CLIC2: variants seen among roughly 807,000 people sequenced by gnomAD.
CLIC2 encodes chloride intracellular channel protein 2.
In CLIC2, 9 loss-of-function variants were observed where a neutral mutation model predicts 14.8. The observed-to-expected ratio is 0.61, with a 90% CI of 0.37 to 1.06. The LOEUF is 1.06. Among genes scored for constraint, CLIC2 ranks in the 50% least tolerant of loss-of-function variants. The probability of loss-of-function intolerance (pLI) is 0.01; values close to 1 mark genes in which losing one functional copy is unlikely to be tolerated. For synonymous variants in CLIC2, 61 were observed against 66.3 expected, an observed-to-expected ratio of 0.92 and a Z score of 0.39; for missense variants, 148 against 181.4, an observed-to-expected ratio of 0.82 and a Z score of 1.06.
At chrX:155,312,025 A>G (rs2075076205) in intron 1 of CLIC2, among the ~76,000 whole-genome samples, 1 of 111,605 alleles carries the variant, frequency 9.0e-6, no homozygotes, top group Non-Finnish European at 1.9e-5. Flanking sequence ...ACACAGCCAA[A>G]CCATATGATT....
chrX:155,300,189 A>G lies in CLIC2; in HGVS notation c.58-1044T>C, dbSNP rs1271970243. Among the ~76,000 whole-genome samples, 5 of 109,834 alleles carry G rather than the reference A, an allele frequency of 4.6e-5. No homozygotes were observed. The Admixed American group carries it at 4.8e-4, about 11-fold the overall frequency. The stretch of plus-strand genomic sequence containing the variant: ...AATGGTTGAACTAGTTTACAGTCCC[A>G]CCAACAGTGTAAAAGTGTTCCTATT... On this transcript the variant is annotated intron_variant, in intron 1 of 5. Coordinates refer to ENST00000369449, the MANE Select transcript of CLIC2 (RefSeq NM_001289.6).
At position 155,329,650 on chromosome X, in the gene CLIC2, T is replaced by C. The variant is rs782719637; in HGVS notation, c.57+4721A>G. On this transcript the variant is annotated intron_variant, in intron 1 of 5. Coordinates refer to ENST00000369449, the MANE Select transcript of CLIC2 (RefSeq NM_001289.6). The stretch of plus-strand genomic sequence containing the variant: ...TGGAGGTTCCTCAAAAAAATGAAAA[T>C]AGAGCTACCTTATGGTCCAGCAATC... 1.8e-3 allele frequency among the ~76,000 whole-genome samples: 191 copies of C among 108,459 alleles called. 1 individual carries two copies. Among genetic ancestry groups the C allele is most frequent in the African/African-American group, 6.2e-3 (186 of 29,951 alleles). The allele number at this position is 108,459 out of a possible 115,157, so 94.2% of individuals were successfully genotyped here.
intron 1 of CLIC2, among the ~76,000 whole-genome samples, chrX:155,301,503 C>A (rs1358759867): frequency 7.5e-5 from 8 of 107,097 alleles, no homozygotes; most frequent in Non-Finnish European, 1.2e-4. Flanking sequence ...TTTTCTAGAT[C>A]TACAATCATG....
intron 1 of CLIC2, among the ~76,000 whole-genome samples, chrX:155,325,767 T>G (rs2075134488): frequency 2.1e-4 from 6 of 28,104 alleles, no homozygotes; most frequent in African/African-American, 8.7e-4. Context: ...ATGTGATATA[T>G]ATATATATAT....
At chrX:155,311,334 C>A (rs1171669078) in intron 1 of CLIC2, among the ~76,000 whole-genome samples, 2 of 111,749 alleles carry the variant, frequency 1.8e-5, no homozygotes, top group Non-Finnish European at 3.8e-5. Flanking sequence ...TAAATCATCT[C>A]TCTCAAGTTC....
chrX:155,313,986 C>T (rs1463783054), intron 1 of CLIC2, among the ~76,000 whole-genome samples: 1 of 111,100 alleles, frequency 9.0e-6, no homozygotes, highest in Non-Finnish European at 1.9e-5. Flanking sequence ...AACATAACTC[C>T]ATTGGCCTGG....
chrX:155,300,591 A>G (rs1363658885), intron 1 of CLIC2, among the ~76,000 whole-genome samples: 1 of 110,494 alleles, frequency 9.1e-6, no homozygotes, highest in Non-Finnish European at 1.9e-5. Context: ...ATTAGATCCC[A>G]TTTGTCAATT....
intron 3 of CLIC2, among the ~76,000 whole-genome samples, chrX:155,293,822 CATT>C (rs2074983483): frequency 9.0e-6 from 1 of 111,475 alleles, no homozygotes; most frequent in Non-Finnish European, 1.9e-5. Context: ...CTAAAACTAT[CATT>C]ATATAATGAC....
rs7050330 is a variant in CLIC2, at chrX:155,334,361, G to A, written c.57+10C>T. On this transcript the variant is annotated intron_variant, in intron 1 of 5. Coordinates refer to ENST00000369449, the MANE Select transcript of CLIC2 (RefSeq NM_001289.6). ...ATTCTACATGCAGTTATTATAACTG[G>A]AAAACTTACCTTTACAAAAAGCTCA... 2.7e-3 allele frequency: 3,264 copies of A among 1,192,179 alleles called. 73 individuals are homozygous for A. In the African/African-American group the frequency reaches 0.051, roughly 18 times the overall value.
At chrX:155,292,310 C>G in intron 3 of CLIC2, 1 of 566,531 alleles carries the variant, frequency 1.8e-6, no homozygotes, top group Non-Finnish European at 3.2e-6. Context: ...TCAATGCACT[C>G]TAGGTTTAAC....
At chrX:155,304,605 T>C (rs1459148613) in intron 1 of CLIC2, among the ~76,000 whole-genome samples, 2 of 102,727 alleles carry the variant, frequency 1.9e-5, no homozygotes, top group African/African-American at 7.0e-5. Context: ...TCCATCCAGC[T>C]TTGTTCTGTT....
chrX:155,325,084 C>T (rs1235007330), intron 1 of CLIC2, among the ~76,000 whole-genome samples: 1 of 111,769 alleles, frequency 8.9e-6, no homozygotes, highest in Non-Finnish European at 1.9e-5. Context: ...GTTAAAATGG[C>T]AATCATTAAA....
intron 1 of CLIC2, among the ~76,000 whole-genome samples, chrX:155,311,054 G>A (rs1173094284): frequency 8.9e-6 from 1 of 111,758 alleles, no homozygotes; most frequent in East Asian, 2.8e-4. Context: ...GTGGTGGAAG[G>A]GGCTGCCACA....
At chrX:155,279,810 C>T in intron 4 of CLIC2, 152 bp downstream of exon 4, 1 of 456,683 alleles carries the variant, frequency 2.2e-6, no homozygotes. Context: ...AATACAACTT[C>T]ATGCGAGGGA....
At chrX:155,319,757 G>C (rs1557321435) in intron 1 of CLIC2, among the ~76,000 whole-genome samples, 1 of 111,693 alleles carries the variant, frequency 9.0e-6, no homozygotes, top group African/African-American at 3.3e-5. Flanking sequence ...GAGCCAAGTG[G>C]TCTAGCTCAG....
At chrX:155,316,308 T>C (rs926920534) in intron 1 of CLIC2, among the ~76,000 whole-genome samples, 1 of 112,060 alleles carries the variant, frequency 8.9e-6, no homozygotes, top group Non-Finnish European at 1.9e-5. Context: ...AACTGCAGAA[T>C]ATACATTCTA....
At chrX:155,297,238 T>C (rs2074995366) in intron 3 of CLIC2, among the ~76,000 whole-genome samples, 1 of 111,252 alleles carries the variant, frequency 9.0e-6, no homozygotes, top group African/African-American at 3.3e-5. Flanking sequence ...TGTTCTCACT[T>C]ATATGTGGGA....
intron 1 of CLIC2, among the ~76,000 whole-genome samples, chrX:155,330,062 G>T (rs1312680094): frequency 4.5e-5 from 5 of 111,234 alleles, no homozygotes; most frequent in African/African-American, 1.6e-4. Flanking sequence ...TGTGTGTGGG[G>T]AGGTGAAGAG....
chrX:155,308,220 TAAA>T (rs1466229769), intron 1 of CLIC2, among the ~76,000 whole-genome samples: 1 of 110,126 alleles, frequency 9.1e-6, no homozygotes, highest in African/African-American at 3.3e-5. Context: ...TGAAATAACT[TAAA>T]AGAATCGAGT....
Sources: gnomAD v4.1 joint callset for allele counts (sites outside exome capture counted in the v4.1 genomes callset) on GRCh38, gnomAD v4.1.1 for gene constraint, MANE v1.5 for transcripts, NCBI Gene and HGNC (gene_info 2026-07-23, HGNC 2026-07-21) for gene names.